Variants in FER1L6 observed in about 807,000 individuals in gnomAD.
FER1L6 encodes fer-1-like protein 6.
In FER1L6, 177 loss-of-function variants were observed where a neutral mutation model predicts 219.2. That is an observed-to-expected ratio of 0.81 (90% CI 0.71 to 0.91). The LOEUF (loss-of-function observed/expected upper bound fraction) is 0.91, where lower values mean the gene tolerates loss of function less well. Ranked by LOEUF, FER1L6 falls within the 40% of genes least tolerant of loss-of-function variation. The probability of loss-of-function intolerance (pLI) is 0.00; values close to 1 mark genes in which losing one functional copy is unlikely to be tolerated. For missense variants in FER1L6, 2,153 were observed against 2,259.9 expected, an observed-to-expected ratio of 0.95 and a Z score of 0.96; for synonymous variants, 768 against 824.3, an observed-to-expected ratio of 0.93 and a Z score of 1.17.
intron 39 of FER1L6, among the ~76,000 whole-genome samples, chr8:124,115,356 G>A (rs770666307): frequency 1.2e-4 from 18 of 151,974 alleles, no homozygotes; most frequent in African/African-American, 3.1e-4. Context: ...CCAGAGCAGC[G>A]GCATTTATCG....
intron 18 of FER1L6, among the ~76,000 whole-genome samples, chr8:124,028,270 C>T (rs1442457418): frequency 6.6e-6 from 1 of 152,180 alleles, no homozygotes; most frequent in Non-Finnish European, 1.5e-5. Flanking sequence ...TTGCTCTGGG[C>T]AGTAGCTTTC....
chr8:124,013,536 C>A lies in FER1L6; in HGVS notation c.1922+5C>A. 1.3e-6 allele frequency: 2 copies of A among 1,579,480 alleles called. No homozygotes were observed. The highest frequency in any genetic ancestry group is 1.2e-5 in the South Asian group (1 of 85,284). On this transcript the variant is annotated splice_donor_5th_base_variant and intron_variant, in intron 15 of 40. Coordinates refer to ENST00000522917, the MANE Select transcript of FER1L6 (RefSeq NM_001039112.2). Reference sequence around the variant, plus strand: ...TGACTTCATCAGTCGGAGCAGGTACCGGGAGAGACAGCCGGCATAGGCGGA... The same window carrying A: ...TGACTTCATCAGTCGGAGCAGGTACAGGGAGAGACAGCCGGCATAGGCGGA...
chr8:123,971,959 G>C (rs1006776735), intron 6 of FER1L6, among the ~76,000 whole-genome samples: 3 of 152,220 alleles, frequency 2.0e-5, no homozygotes, highest in Admixed American at 2.0e-4. Flanking sequence ...GAGGCATCCT[G>C]TGTTATTTAA....
intron 12 of FER1L6, among the ~76,000 whole-genome samples, chr8:123,987,855 T>C (rs1208846295): frequency 6.6e-6 from 1 of 152,166 alleles, no homozygotes; most frequent in Non-Finnish European, 1.5e-5. Context: ...CTCACACCTG[T>C]AATCCCAGCA....
At chr8:123,961,179 G>C (rs919232401) in intron 2 of FER1L6, among the ~76,000 whole-genome samples, 3 of 152,032 alleles carry the variant, frequency 2.0e-5, no homozygotes, top group African/African-American at 4.8e-5. Flanking sequence ...GAGGATCCTC[G>C]AGCCTGGGAA....
At chr8:123,882,588 G>A (rs1423450626) in intron 1 of FER1L6, among the ~76,000 whole-genome samples, 3 of 152,134 alleles carry the variant, frequency 2.0e-5, no homozygotes, top group South Asian at 2.1e-4. Flanking sequence ...TAGAGTGGGA[G>A]TATCAAATAA....
intron 34 of FER1L6, among the ~76,000 whole-genome samples, chr8:124,093,217 C>T (rs1041891583): frequency 4.6e-5 from 7 of 151,968 alleles, no homozygotes; most frequent in African/African-American, 1.7e-4. Flanking sequence ...GAGAAACTGC[C>T]CCCATGATCC....
intron 7 of FER1L6, 104 bp downstream of exon 7, chr8:123,973,616 ACAC>A: frequency 1.2e-6 from 1 of 827,528 alleles, no homozygotes; most frequent in Non-Finnish European, 2.1e-6. Context: ...TCATTCAATA[ACAC>A]TGAGCACCAG....
intron 39 of FER1L6, among the ~76,000 whole-genome samples, chr8:124,103,511 T>C (rs1167485818): frequency 6.6e-6 from 1 of 152,228 alleles, no homozygotes; most frequent in African/African-American, 2.4e-5. Flanking sequence ...TGATTTTCTA[T>C]CCTTTTGGCC....
intron 18 of FER1L6, among the ~76,000 whole-genome samples, chr8:124,027,655 G>A (rs1223303561): frequency 1.3e-5 from 2 of 152,130 alleles, no homozygotes; most frequent in South Asian, 2.1e-4. Flanking sequence ...GAACTCCTAG[G>A]CTCAAGCAAT....
In FER1L6 at chr8:123,973,451, G is replaced by T. The variant is rs573983219; in HGVS notation, c.465G>T (p.Leu155=). Residue 155 remains leucine (L), a synonymous_variant, in exon 7 of 41, where the codon CTG becomes CTT. Transcript: ENST00000522917. Reference sequence around the variant, plus strand: ...CTCCTCAGGTCTTTCACCACAAGCTGATAGGAAGTGTACTGATTGGCTCTT... The same window carrying T: ...CTCCTCAGGTCTTTCACCACAAGCTTATAGGAAGTGTACTGATTGGCTCTT... ...IIKISVFHHK[L]IGSVLIGSFK... is the part of the protein sequence containing the mutation. The T allele has an allele frequency of 1.2e-6, 2 of 1,614,008 alleles. No individual in the cohort carries two copies.
chr8:123,988,207 C>T (rs1402217358), intron 12 of FER1L6, among the ~76,000 whole-genome samples: 1 of 152,112 alleles, frequency 6.6e-6, no homozygotes, highest in African/African-American at 2.4e-5. Context: ...ATGCCAGTAC[C>T]ACACTGTTGT....
intron 11 of FER1L6, among the ~76,000 whole-genome samples, chr8:123,983,643 G>GTAA (rs1244097898): frequency 6.6e-6 from 1 of 152,158 alleles, no homozygotes; most frequent in Non-Finnish European, 1.5e-5. Flanking sequence ...TGGTGCAGTG[G>GTAA]TTACTGCTTG....
chr8:124,110,342 T>C (rs1210460591), intron 39 of FER1L6, among the ~76,000 whole-genome samples: 1 of 152,168 alleles, frequency 6.6e-6, no homozygotes, highest in East Asian at 1.9e-4. Flanking sequence ...ACTTGCCTCA[T>C]AGCACACAGC....
chr8:123,855,270 C>A (rs145130954), intron 1 of FER1L6, among the ~76,000 whole-genome samples: 1 of 152,152 alleles, frequency 6.6e-6, no homozygotes, highest in Non-Finnish European at 1.5e-5. Context: ...GGGAGCCTGA[C>A]TGGAATGGAT....
intron 1 of FER1L6, among the ~76,000 whole-genome samples, chr8:123,866,956 A>G (rs894732242): frequency 1.3e-5 from 2 of 152,214 alleles, no homozygotes; most frequent in Non-Finnish European, 2.9e-5. Flanking sequence ...TGAGTTCCTC[A>G]TATATTTTGA....
At chr8:124,049,575 G>C (rs1376666951) in intron 21 of FER1L6, 32 bp from the exon 22 acceptor site, 27 of 1,612,102 alleles carry the variant, frequency 1.7e-5, no homozygotes, top group Non-Finnish European at 2.3e-5. Context: ...TTAATGATCA[G>C]GAAATACAAA....
chr8:124,097,209 C>A, intron 35 of FER1L6, 62 bp from the exon 36 acceptor site: 1 of 1,197,570 alleles, frequency 8.4e-7, no homozygotes, highest in Non-Finnish European at 1.2e-6. Context: ...CATGAATTAT[C>A]AATTACCCAT....
chr8:123,893,643 C>A (rs1225280499), intron 1 of FER1L6, among the ~76,000 whole-genome samples: 2 of 152,108 alleles, frequency 1.3e-5, no homozygotes. Flanking sequence ...AACCTGTTTT[C>A]TTTTATAATG....
Sources: gnomAD v4.1 joint callset for allele counts (sites outside exome capture counted in the v4.1 genomes callset) on GRCh38, gnomAD v4.1.1 for gene constraint, MANE v1.5 for transcripts, NCBI Gene and HGNC (gene_info 2026-07-23, HGNC 2026-07-21) for gene names.